ACCSL: variants seen among roughly 807,000 people sequenced by gnomAD.
ACCSL encodes 1-aminocyclopropane-1-carboxylate synthase homolog (inactive) like.
Under a neutral mutation model 61.7 loss-of-function variants are expected in ACCSL, and 55 were observed. The ratio of observed to expected loss-of-function variants is 0.89; its 90% confidence interval spans 0.72 to 1.12. The LOEUF (loss-of-function observed/expected upper bound fraction) is 1.12. Among genes scored for constraint, ACCSL ranks in the 50% most tolerant of loss-of-function variants. The pLI is 0.00. For missense variants in ACCSL, 632 were observed against 698.0 expected, an observed-to-expected ratio of 0.91 and a Z score of 1.07; for synonymous variants, 258 against 264.3, an observed-to-expected ratio of 0.98 and a Z score of 0.23.
At chr11:43,929,756 G>A in the ACCSL span, among the ~76,000 whole-genome samples, 1 of 152,172 alleles carries the variant, frequency 6.6e-6, no homozygotes, top group Non-Finnish European at 1.5e-5. Flanking sequence ...CATGGCTCAG[G>A]CTGGTTTCAA....
the ACCSL span, among the ~76,000 whole-genome samples, chr11:43,999,589 G>T: frequency 3.9e-5 from 6 of 152,180 alleles, no homozygotes; most frequent in Non-Finnish European, 5.9e-5. Flanking sequence ...AGCTAGCAAG[G>T]GTGAGTCTGC....
the ACCSL span, chr11:43,943,986 G>A: frequency 6.0e-6 from 4 of 665,320 alleles, no homozygotes; most frequent in Non-Finnish European, 8.6e-6. This position sits in a 1 kb window ranked among gnomAD's most constrained non-coding sequence, Gnocchi z 4.8. Context: ...AGGGAGCCGG[G>A]AGTGGAGCTA....
chr11:44,057,508 G>C (rs765066218), intron 11 of ACCSL, among the ~76,000 whole-genome samples: 2 of 152,172 alleles, frequency 1.3e-5, no homozygotes, highest in Non-Finnish European at 1.5e-5. Flanking sequence ...AAATACTGAC[G>C]TGTGTTCCAT....
At chr11:44,035,414 G>T in the ACCSL span, among the ~76,000 whole-genome samples, 1 of 152,036 alleles carries the variant, frequency 6.6e-6, no homozygotes, top group Non-Finnish European at 1.5e-5. Flanking sequence ...TTCAACTGTG[G>T]TTAAAAATTC....
the ACCSL span, among the ~76,000 whole-genome samples, chr11:43,973,410 ATATCTATCTATCTATCTATCTATC>A: frequency 2.0e-4 from 30 of 148,938 alleles, no homozygotes; most frequent in Admixed American, 1.3e-3. Flanking sequence ...TGGTTTTGAG[ATATCTATCTATCTATCTATCTATC>A]TATCTATCTA....
At chr11:43,981,018 A>G in the ACCSL span, among the ~76,000 whole-genome samples, 4 of 152,224 alleles carry the variant, frequency 2.6e-5, no homozygotes, top group Non-Finnish European at 4.4e-5. Flanking sequence ...GTAAACCGGA[A>G]AGAAGGATTT....
At chr11:43,980,922 A>G in the ACCSL span, among the ~76,000 whole-genome samples, 24 of 142,494 alleles carry the variant, frequency 1.7e-4, no homozygotes, top group African/African-American at 6.1e-4. Context: ...TGGATAGTAG[A>G]GGGGGAGCCA....
the ACCSL span, among the ~76,000 whole-genome samples, chr11:43,996,784 A>T: frequency 2.0e-5 from 3 of 148,770 alleles, no homozygotes; most frequent in South Asian, 6.4e-4. Flanking sequence ...GGGGAGACTC[A>T]TGTTCCTCAA....
At chr11:43,946,400 G>C in the ACCSL span, among the ~76,000 whole-genome samples, 2 of 152,034 alleles carry the variant, frequency 1.3e-5, no homozygotes, top group African/African-American at 2.4e-5. Flanking sequence ...GCCTGGCCCT[G>C]GTTCGTTTTT....
chr11:44,033,974 G>A, the ACCSL span, among the ~76,000 whole-genome samples: 1 of 152,146 alleles, frequency 6.6e-6, no homozygotes, highest in Non-Finnish European at 1.5e-5. Flanking sequence ...AGAAGGGATG[G>A]GGGTGGGGGC....
At chr11:44,017,426 C>A in the ACCSL span, among the ~76,000 whole-genome samples, 1 of 152,148 alleles carries the variant, frequency 6.6e-6, no homozygotes. Context: ...AGGCCTTATG[C>A]AAAAGCCCTG....
intron 1 of ACCSL, among the ~76,000 whole-genome samples, chr11:44,049,361 A>G (rs577052562): frequency 2.2e-5 from 3 of 136,132 alleles, no homozygotes; most frequent in African/African-American, 8.3e-5. Flanking sequence ...TGGAGGTTGC[A>G]GTGAGCTGAG....
intron 9 of ACCSL, 28 bp from the exon 10 acceptor site, chr11:44,056,012 T>C (rs1952668909): frequency 1.9e-6 from 3 of 1,613,456 alleles, no homozygotes; most frequent in Non-Finnish European, 2.5e-6. Flanking sequence ...CTCTATAACC[T>C]TAGTTAATTT....
chr11:44,006,924 T>C, the ACCSL span, among the ~76,000 whole-genome samples: 9 of 152,202 alleles, frequency 5.9e-5, no homozygotes, highest in African/African-American at 2.2e-4. Flanking sequence ...CTCCCCGCGG[T>C]TGGACATTCA....
chr11:44,034,576 A>C, the ACCSL span, among the ~76,000 whole-genome samples: 1 of 140,484 alleles, frequency 7.1e-6, no homozygotes, highest in African/African-American at 2.7e-5. Context: ...AGAGAGAGAG[A>C]GCTTGTACAG....
At chr11:44,053,116 G>A (rs1952650199) in intron 7 of ACCSL, 48 bp downstream of exon 7, 1 of 1,530,984 alleles carries the variant, frequency 6.5e-7, no homozygotes, top group South Asian at 1.1e-5. Context: ...GGTCCTAAAA[G>A]GGGTTTGAGT....
At chr11:44,025,685 C>T in the ACCSL span, among the ~76,000 whole-genome samples, 2 of 152,080 alleles carry the variant, frequency 1.3e-5, no homozygotes, top group African/African-American at 4.8e-5. Context: ...CTGGCTAGCT[C>T]ATACAGCCTA....
At chr11:43,944,309 G>C in the ACCSL span, 2 of 164,182 alleles carry the variant, frequency 1.2e-5, no homozygotes, top group African/African-American at 4.8e-5. Context: ...AGCCAGCAAT[G>C]CGAGATGTTT....
Position 44,048,500 on chromosome 11 carries a change from C to A in ACCSL, c.464C>A (p.Ala155Asp), listed in dbSNP as rs1176732312. ...FYQSSFQDYN[A>D]YQKDKYHKDK... Reference sequence around the variant, plus strand: ...CAGTCGAGCTTCCAGGACTACAATGCCTACCAAAAAGATAAATATCATAAG... The same window carrying A: ...CAGTCGAGCTTCCAGGACTACAATGACTACCAAAAAGATAAATATCATAAG... Residue 155 changes from alanine (A) to aspartate (D), a missense_variant, in exon 1 of 14, where the codon GCC (alanine) becomes GAC (aspartate). Transcript: ENST00000378832. The A allele has an allele frequency of 6.2e-7, 1 of 1,602,736 alleles. No homozygotes were observed. The highest frequency in any genetic ancestry group is 2.2e-5 in the East Asian group (1 of 44,526).
Sources: allele counts gnomAD v4.1 joint callset (sites outside exome capture counted in the v4.1 genomes callset), GRCh38; gene constraint gnomAD v4.1.1; non-coding constraint Gnocchi (gnomAD v3.1); transcripts MANE v1.5; gene names NCBI Gene and HGNC (gene_info 2026-07-23, HGNC 2026-07-21).